The following C8orf89 variants were observed in gnomAD, a reference collection of about 807,000 sequenced individuals.
The protein encoded by C8orf89 is chromosome 8 open reading frame 89.
Under a neutral mutation model 15.8 loss-of-function variants are expected in C8orf89, and 14 were observed. That is an observed-to-expected ratio of 0.89 (90% CI 0.59 to 1.39). C8orf89 has a LOEUF of 1.39. C8orf89 is among the 40% of genes most tolerant of loss of function. C8orf89 has a pLI of 0.00. For synonymous variants in C8orf89, 55 were observed against 62.2 expected (o/e 0.88, Z 0.54); for missense variants, 181 against 184.5 (o/e 0.98, Z 0.11).
At chr8:73,280,018 G>C in the C8orf89 span, among the ~76,000 whole-genome samples, 1 of 152,206 alleles carries the variant, frequency 6.6e-6, no homozygotes, top group African/African-American at 2.4e-5. Context: ...GCTGTGCACT[G>C]TCCGAATTCC....
chr8:73,274,185 G>C, the C8orf89 span, among the ~76,000 whole-genome samples: 1 of 151,592 alleles, frequency 6.6e-6, no homozygotes, highest in East Asian at 1.9e-4. Context: ...ATGGAATCTT[G>C]CTCTGTCGCC....
upstream of C8orf89, among the ~76,000 whole-genome samples, chr8:73,262,256 T>C (rs190998189): frequency 9.3e-4 from 142 of 152,218 alleles, no homozygotes; most frequent in Non-Finnish European, 1.7e-3. Flanking sequence ...TCAAAGCCCC[T>C]CTTCTAGGAC....
At chr8:73,267,798 C>G in the C8orf89 span, among the ~76,000 whole-genome samples, 1 of 152,088 alleles carries the variant, frequency 6.6e-6, no homozygotes, top group African/African-American at 2.4e-5. Flanking sequence ...GGAGATTTTC[C>G]TCAATAATCT....
chr8:73,254,593 A>G (rs1813325485), intron 2 of C8orf89, among the ~76,000 whole-genome samples: 1 of 152,090 alleles, frequency 6.6e-6, no homozygotes, highest in Non-Finnish European at 1.5e-5. Context: ...GGGACGCCTC[A>G]TGCCTGGTCA....
In C8orf89 at chr8:73,249,535, T is replaced by A. The variant is rs898377987; in HGVS notation, c.337+733A>T. 2.0e-5 allele frequency among the ~76,000 whole-genome samples: 3 copies of A among 152,160 alleles called. No homozygotes were observed. The East Asian group carries it at 5.8e-4, about 29-fold the overall frequency. ...ACATCTGGTAGAATTCAGCTGTGAA[T>A]CTGTCTAGTCCTGGGCTTTTCTTTG... On this transcript the variant is annotated intron_variant, in intron 3 of 3. Transcript: ENST00000624510.
intron 2 of C8orf89, among the ~76,000 whole-genome samples, chr8:73,254,261 C>G (rs927161931): frequency 6.6e-6 from 1 of 151,988 alleles, no homozygotes; most frequent in Admixed American, 6.6e-5. Flanking sequence ...ATTGAACCAG[C>G]CTTGCATCCC....
At chr8:73,253,651 C>T (rs1479109615) in intron 2 of C8orf89, among the ~76,000 whole-genome samples, 2 of 151,750 alleles carry the variant, frequency 1.3e-5, no homozygotes, top group African/African-American at 4.9e-5. Flanking sequence ...AGGTCCTTCA[C>T]GTCCCTTATA....
upstream of C8orf89, among the ~76,000 whole-genome samples, chr8:73,260,380 C>A (rs1025685562): frequency 2.6e-5 from 4 of 151,688 alleles, no homozygotes; most frequent in Admixed American, 6.6e-5. Context: ...CACCCTGGGG[C>A]CTGTCGTGGG....
upstream of C8orf89, among the ~76,000 whole-genome samples, chr8:73,262,255 C>T (rs1200353039): frequency 6.6e-6 from 1 of 152,138 alleles, no homozygotes; most frequent in African/African-American, 2.4e-5. Context: ...TTCAAAGCCC[C>T]TCTTCTAGGA....
At chr8:73,269,129 G>A in the C8orf89 span, among the ~76,000 whole-genome samples, 2 of 152,254 alleles carry the variant, frequency 1.3e-5, no homozygotes, top group African/African-American at 4.8e-5. Flanking sequence ...AAAAAAAGAA[G>A]GAACAGGTAC....
chr8:73,279,802 C>T, the C8orf89 span, among the ~76,000 whole-genome samples: 2 of 152,178 alleles, frequency 1.3e-5, no homozygotes, highest in African/African-American at 4.8e-5. Flanking sequence ...CTTTGAAATC[C>T]AGCCACCATT....
chr8:73,280,428 T>C, the C8orf89 span, among the ~76,000 whole-genome samples: 1 of 152,194 alleles, frequency 6.6e-6, no homozygotes. Flanking sequence ...TGGAGTGCAG[T>C]GGCACGATCT....
chr8:73,259,851 T>C (rs115850201), upstream of C8orf89, among the ~76,000 whole-genome samples: 1 of 152,346 alleles, frequency 6.6e-6, no homozygotes, highest in African/African-American at 2.4e-5. Flanking sequence ...TTACCCTGCT[T>C]ACTTAATATA....
intron 3 of C8orf89, among the ~76,000 whole-genome samples, chr8:73,245,018 G>A (rs550738609): frequency 6.6e-6 from 1 of 152,294 alleles, no homozygotes; most frequent in East Asian, 1.9e-4. Flanking sequence ...GGCTGGGGAG[G>A]CCTCACAATC....
At position 73,257,130 on chromosome 8, in the gene C8orf89, G is replaced by T; in HGVS notation, c.128-4C>A. The T allele has an allele frequency of 6.6e-7, 1 of 1,511,198 alleles. No individual in the cohort carries two copies. Among genetic ancestry groups the T allele is most frequent in the Non-Finnish European group, 8.8e-7 (1 of 1,131,254 alleles). 93.6% of individuals were successfully genotyped at this position (1,511,198 alleles called of 1,614,324 possible). ...AGACCAAATGCTGTGGTATATTCTG[G>T]TTAAAAATATATAAGAATCATCTTG... is the stretch of plus-strand genomic sequence containing the variant. On this transcript the variant is annotated splice_region_variant and splice_polypyrimidine_tract_variant and intron_variant, in intron 1 of 3. Coordinates refer to ENST00000624510, the MANE Select transcript of C8orf89 (RefSeq NM_001243237.3).
chr8:73,277,089 G>C, the C8orf89 span, among the ~76,000 whole-genome samples: 9 of 152,130 alleles, frequency 5.9e-5, no homozygotes, highest in Non-Finnish European at 8.8e-5. Context: ...TTACAAGCAT[G>C]AGCCACTGCG....
chr8:73,278,249 T>C, the C8orf89 span, among the ~76,000 whole-genome samples: 1 of 152,214 alleles, frequency 6.6e-6, no homozygotes, highest in Non-Finnish European at 1.5e-5. Flanking sequence ...AATGGAGAGT[T>C]TTCTGATGAA....
chr8:73,285,635 G>C, the C8orf89 span, among the ~76,000 whole-genome samples: 1 of 152,252 alleles, frequency 6.6e-6, no homozygotes, highest in Non-Finnish European at 1.5e-5. Context: ...TGCACCGAGG[G>C]GAGGGATTTC....
At chr8:73,264,171 G>A (rs1488339520), upstream of C8orf89, among the ~76,000 whole-genome samples, 1 of 152,004 alleles carries the variant, frequency 6.6e-6, no homozygotes, top group African/African-American at 2.4e-5. Context: ...CCAAAAAAAG[G>A]ACAGAAATGC....
Sources: gnomAD v4.1 joint callset for allele counts (sites outside exome capture counted in the v4.1 genomes callset) on GRCh38, gnomAD v4.1.1 for gene constraint, MANE v1.5 for transcripts, NCBI Gene and HGNC (gene_info 2026-07-23, HGNC 2026-07-21) for gene names.